The following EGFR variants were observed in gnomAD, a reference collection of about 807,000 sequenced individuals.
The protein encoded by EGFR is avian erythroblastic leukemia viral (v-erb-b) oncogene homolog.
Under a neutral mutation model 143.0 loss-of-function variants are expected in EGFR, and 58 were observed. The ratio of observed to expected loss-of-function variants is 0.41; its 90% CI spans 0.33 to 0.50. The LOEUF is 0.50. EGFR is among the 20% of genes least tolerant of loss of function. The pLI is 0.39. For synonymous variants in EGFR, 613 were observed against 594.4 expected (o/e 1.03, Z -0.45); for missense variants, 1,307 against 1,579.0 (o/e 0.83, Z 2.92).
At chr7:55,078,681 G>A (rs1790276831) in intron 1 of EGFR, among the ~76,000 whole-genome samples, 1 of 152,212 alleles carries the variant, frequency 6.6e-6, no homozygotes, top group African/African-American at 2.4e-5. Flanking sequence ...GGGCCCAGTC[G>A]CTTTGGTGAG....
rs571622972 is a variant in EGFR at position 55,169,655 on chromosome 7, T to G, written c.1881-1520T>G. On this transcript the variant is annotated intron_variant, in intron 15 of 27. Transcript: ENST00000275493. ...TATAGCTGCTTGAGTTCATACTCAA[T>G]AGTCATTTCTGCAGAGTTACCGAGG... Among the ~76,000 whole-genome samples, 19 of 152,194 alleles carry G rather than the reference T, an allele frequency of 1.2e-4. No homozygotes were observed. In the South Asian group the frequency reaches 4.0e-3, roughly 32 times the overall value.
At chr7:55,079,267 C>A (rs1217431073) in intron 1 of EGFR, among the ~76,000 whole-genome samples, 2 of 152,178 alleles carry the variant, frequency 1.3e-5, no homozygotes, top group Non-Finnish European at 2.9e-5. Context: ...AGAGCTGGAG[C>A]AGGTGCTCCG....
intron 1 of EGFR, among the ~76,000 whole-genome samples, 189 bp from the exon 2 acceptor site, chr7:55,142,097 T>A (rs1794489245): frequency 6.6e-6 from 1 of 152,228 alleles, no homozygotes; most frequent in Non-Finnish European, 1.5e-5. Flanking sequence ...AGAATTTGTA[T>A]TATCAGTCAC....
chr7:55,114,619 T>C (rs2128909659), intron 1 of EGFR, among the ~76,000 whole-genome samples: 1 of 152,290 alleles, frequency 6.6e-6, no homozygotes, highest in South Asian at 2.1e-4. Flanking sequence ...TTTTTAAAAA[T>C]ACTATTTTTA....
rs867182279 is a variant in EGFR at position 55,205,510 on chromosome 7, T to C, written c.3526T>C (p.Phe1176Leu). The C allele has an allele frequency of 6.2e-7, 1 of 1,614,214 alleles. No homozygotes were observed. Reference protein sequence around the residue: ...SLDNPDYQQDFFPKEAKPNGI... With the variant: ...SLDNPDYQQDLFPKEAKPNGI... ...GGACAACCCTGACTACCAGCAGGAC[T>C]TCTTTCCCAAGGAAGCCAAGCCAAA... Residue 1176 changes from phenylalanine to leucine, a missense_variant, in exon 28 of 28, where the codon TTC becomes CTC. Phe to Leu is a conservative substitution (Grantham distance 22). Transcript: ENST00000275493.
At chr7:55,168,246 G>A (rs1437950531) in intron 15 of EGFR, among the ~76,000 whole-genome samples, 1 of 152,172 alleles carries the variant, frequency 6.6e-6, no homozygotes, top group Non-Finnish European at 1.5e-5. Flanking sequence ...TATATTATCT[G>A]TATAGAATAA....
At chr7:55,127,565 G>A (rs533006529) in intron 1 of EGFR, among the ~76,000 whole-genome samples, 1 of 150,912 alleles carries the variant, frequency 6.6e-6, no homozygotes, top group East Asian at 1.9e-4. Context: ...AAACTTTCTC[G>A]GCTTCAAGGA....
At chr7:55,121,278 C>T (rs1300370387) in intron 1 of EGFR, among the ~76,000 whole-genome samples, 1 of 152,230 alleles carries the variant, frequency 6.6e-6, no homozygotes, top group Non-Finnish European at 1.5e-5. Flanking sequence ...TTTTGGCAGA[C>T]ATTCCCAGGA....
chr7:55,068,805 A>G (rs189621485), intron 1 of EGFR, among the ~76,000 whole-genome samples: 14 of 152,344 alleles, frequency 9.2e-5, no homozygotes, highest in Admixed American at 5.9e-4. Flanking sequence ...TTAGTAGGTT[A>G]TCAAACTCCT....
intron 1 of EGFR, among the ~76,000 whole-genome samples, chr7:55,027,065 G>A (rs1786934972): frequency 1.3e-5 from 2 of 152,118 alleles, no homozygotes; most frequent in Admixed American, 1.3e-4. Flanking sequence ...GCCAGATTTT[G>A]AGAACTGCTG....
chr7:55,109,948 C>T lies in EGFR; in HGVS notation c.89-32338C>T, dbSNP rs17289427. The T allele has an allele frequency of 1.5e-3, 1,489 of 985,186 alleles. 27 individuals carry two copies. The East Asian group carries it at 0.065, about 43-fold the overall frequency. The allele number at this position is 985,186 out of a possible 1,614,324, so 61.0% of individuals were successfully genotyped here. A position where few individuals can be genotyped will look rare whatever the true frequency, so the allele number is the denominator to read the frequency against. ...ACCTCTCCGCGCTGAGAAGGTTATC[C>T]GGATAACCAAGTAAGAAAGTACATG... On this transcript the variant is annotated intron_variant, in intron 1 of 27. Transcript: ENST00000275493.
intron 19 of EGFR, among the ~76,000 whole-genome samples, chr7:55,176,435 A>T (rs971226762): frequency 6.6e-6 from 1 of 152,186 alleles, no homozygotes; most frequent in Non-Finnish European, 1.5e-5. Context: ...TGAAGCGTCC[A>T]TGGGCCTGGC....
At chr7:55,204,602 TAC>T (rs1278026718) in intron 27 of EGFR, among the ~76,000 whole-genome samples, 1 of 64,452 alleles carries the variant, frequency 1.6e-5, no homozygotes, top group South Asian at 5.1e-4. Flanking sequence ...TACACACACG[TAC>T]ACACACCACA....
At chr7:55,111,290 T>A (rs1010195129) in intron 1 of EGFR, among the ~76,000 whole-genome samples, 3 of 152,222 alleles carry the variant, frequency 2.0e-5, no homozygotes, top group Non-Finnish European at 4.4e-5. Flanking sequence ...TCAGCCAGGG[T>A]ATGATTTGCA....
chr7:55,123,559 C>T lies in EGFR; in HGVS notation c.89-18727C>T, dbSNP rs117590605. On this transcript the variant is annotated intron_variant, in intron 1 of 27. Coordinates refer to ENST00000275493, the MANE Select transcript of EGFR (RefSeq NM_005228.5). ...AGTGTACCTCCTTGTGAAATATCTT[C>T]AGAGTCTACTGGTGCACATAAGCAA... Among the ~76,000 whole-genome samples, 1,127 of 152,182 alleles carry T rather than the reference C, an allele frequency of 7.4e-3. 12 individuals are homozygous for T. The highest frequency in any genetic ancestry group is 8.8e-3 in the Non-Finnish European group (597 of 68,014).
intron 1 of EGFR, among the ~76,000 whole-genome samples, chr7:55,028,465 A>G (rs1787062260): frequency 6.6e-6 from 1 of 152,212 alleles, no homozygotes; most frequent in African/African-American, 2.4e-5. Context: ...ATCATTGTAT[A>G]CCAAATTTTA....
At chr7:55,129,679 C>T (rs974208902) in intron 1 of EGFR, among the ~76,000 whole-genome samples, 3 of 152,198 alleles carry the variant, frequency 2.0e-5, no homozygotes, top group African/African-American at 7.2e-5. Flanking sequence ...CAATCCCCAG[C>T]CCCTGCATTT....
intron 1 of EGFR, among the ~76,000 whole-genome samples, chr7:55,027,161 C>A (rs1380492222): frequency 2.0e-5 from 3 of 152,152 alleles, no homozygotes; most frequent in Non-Finnish European, 4.4e-5. Context: ...ACCGACTTAC[C>A]TTTTGGAAGG....
intron 15 of EGFR, among the ~76,000 whole-genome samples, chr7:55,170,034 G>T (rs1424878300): frequency 2.6e-5 from 4 of 152,156 alleles, no homozygotes; most frequent in Non-Finnish European, 5.9e-5. Flanking sequence ...GAGGTAGTGG[G>T]GTGGGCAGTA....
Sources: allele counts gnomAD v4.1 joint callset (sites outside exome capture counted in the v4.1 genomes callset), GRCh38; gene constraint gnomAD v4.1.1; transcripts MANE v1.5; gene names NCBI Gene and HGNC (gene_info 2026-07-23, HGNC 2026-07-21).